Variants in KIF17 observed in about 807,000 individuals in gnomAD.
The protein encoded by KIF17 is kinesin-like protein KIF17.
Under a neutral mutation model 96.8 loss-of-function variants are expected in KIF17, and 80 were observed. The ratio of observed to expected loss-of-function variants is 0.83; its 90% confidence interval spans 0.69 to 1.00. The LOEUF (loss-of-function observed/expected upper bound fraction) is 1.00. Among genes scored for constraint, KIF17 ranks in the 50% least tolerant of loss-of-function variants. KIF17 has a pLI of 0.00. For missense variants in KIF17, 1,280 were observed against 1,372.9 expected, an observed-to-expected ratio of 0.93 and a Z score of 1.07; for synonymous variants, 567 against 587.5, an observed-to-expected ratio of 0.97 and a Z score of 0.51.
chr1:20,687,846 T>C lies in KIF17; in HGVS notation c.1480A>G (p.Thr494Ala). Residue 494 changes from threonine (T) to alanine (A), a missense_variant, in exon 8 of 15, where the codon ACA becomes GCA. Physicochemically the swap from Thr to Ala is moderately conservative, Grantham distance 58. Coordinates refer to ENST00000400463, the MANE Select transcript of KIF17 (RefSeq NM_001122819.3). This position sits in a 1 kb window ranked among gnomAD's most constrained non-coding sequence, Gnocchi z 4.4. ...AEYPPAFQYETVVKPKVFSTT... is the reference protein window; with the variant it reads ...AEYPPAFQYEAVVKPKVFSTT... ...GAGAAGACCTTGGGTTTCACCACTG[T>C]CTCATACTGAAAAGCAGGCGGGTAC... is the stretch of plus-strand genomic sequence containing the variant. The C allele has an allele frequency of 6.2e-7, 1 of 1,614,088 alleles. No homozygotes were observed. Among genetic ancestry groups the C allele is most frequent in the South Asian group, 1.1e-5 (1 of 91,084 alleles).
chr1:20,677,940 A>G (rs547392762), intron 11 of KIF17, among the ~76,000 whole-genome samples: 1 of 152,394 alleles, frequency 6.6e-6, no homozygotes, highest in African/African-American at 2.4e-5. Flanking sequence ...AAAGCTAGGT[A>G]GAAGAAAGCG....
At chr1:20,688,881 C>T (rs1262705252) in intron 7 of KIF17, among the ~76,000 whole-genome samples, 1 of 152,218 alleles carries the variant, frequency 6.6e-6, no homozygotes, top group Admixed American at 6.5e-5. Context: ...TCCAGGAGCG[C>T]GTCTCCCTTG....
intron 14 of KIF17, 26 bp downstream of exon 14, chr1:20,666,188 G>A (rs1319214497): frequency 6.6e-7 from 1 of 1,520,624 alleles, no homozygotes; most frequent in Admixed American, 1.7e-5. Flanking sequence ...GTGTGGAGAG[G>A]GTGGGGACAG....
In KIF17 at chr1:20,690,352, G is replaced by GCGCCCCA; in HGVS notation, c.1234-18_1234-17insTGGGGCG. ...TTCATACTCCTGGGGGGGTGGGAGG[G>GCGCCCCA]ACCAGAGGGCAGGCAGCATTTTATC... On this transcript the variant is annotated splice_polypyrimidine_tract_variant and intron_variant, in intron 6 of 14. Coordinates refer to ENST00000400463, the MANE Select transcript of KIF17 (RefSeq NM_001122819.3). 2.2e-6 allele frequency: 1 copy of GCGCCCCA among 451,174 alleles called. No individual in the cohort carries two copies. The highest frequency in any genetic ancestry group is 4.3e-6 in the Non-Finnish European group (1 of 235,152). The allele number at this position is 451,174 out of a possible 1,614,324, so 27.9% of individuals were successfully genotyped here.
At chr1:20,705,708 C>T (rs1056756844) in intron 4 of KIF17, among the ~76,000 whole-genome samples, 3 of 152,022 alleles carry the variant, frequency 2.0e-5, no homozygotes, top group Admixed American at 6.6e-5. Flanking sequence ...GGGGTTCGTG[C>T]GGAAGCCTCT....
At position 20,709,885 on chromosome 1, in the gene KIF17, G is replaced by C; in HGVS notation, c.481-57C>G. On this transcript the variant is annotated intron_variant, in intron 3 of 14. Transcript: ENST00000400463. This position sits in a 1 kb window ranked among gnomAD's most constrained non-coding sequence, Gnocchi z 4.7. ...CTCCAGCCGCCAAGGGTTAGGACCA[G>C]GGATGGTCAAGGAACCAGAGAGAAG... The C allele has an allele frequency of 1.3e-6, 2 of 1,517,960 alleles. No individual in the cohort carries two copies. The highest frequency in any genetic ancestry group is 1.2e-5 in the South Asian group (1 of 84,250). The allele number at this position is 1,517,960 out of a possible 1,614,324, so 94.0% of individuals were successfully genotyped here.
rs962660178 is a variant in KIF17 at position 20,664,888 on chromosome 1, T to TGGCCCTGCAGCTGGGACCCC, written c.2909-146_2909-127dup. Reference sequence around the variant, plus strand: ...CGCCCCCCTGCCCAGCCAGAGGCCCTGGCCCTGCAGCTGGGACCCCAGGCT... The same window carrying TGGCCCTGCAGCTGGGACCCC: ...CGCCCCCCTGCCCAGCCAGAGGCCCTGGCCCTGCAGCTGGGACCCCGGCCCTGCAGCTGGGACCCCAGGCT... On this transcript the variant is annotated intron_variant, in intron 14 of 14. Coordinates refer to ENST00000400463, the MANE Select transcript of KIF17 (RefSeq NM_001122819.3). The TGGCCCTGCAGCTGGGACCCC allele has an allele frequency of 3.3e-6, 3 of 897,202 alleles. No homozygotes were observed. The African/African-American group carries it at 5.0e-5, about 15-fold the overall frequency. The allele number at this position is 897,202 out of a possible 1,614,324, so 55.6% of individuals were successfully genotyped here.
intron 6 of KIF17, 119 bp downstream of exon 6, chr1:20,698,260 G>T: frequency 1.4e-6 from 1 of 736,470 alleles, no homozygotes. Context: ...GCTTTCTCAG[G>T]ACCAAACCCA....
At chr1:20,663,229 GAAAAT>G (rs1238294050), downstream of KIF17, among the ~76,000 whole-genome samples, 1 of 152,066 alleles carries the variant, frequency 6.6e-6, no homozygotes, top group Non-Finnish European at 1.5e-5. Context: ...CAGTCTCAAA[GAAAAT>G]AAAAATAATT....
Position 20,690,352 on chromosome 1 carries a change from G to GCCGCCA in KIF17, c.1234-18_1234-17insTGGCGG. 2.2e-6 allele frequency: 1 copy of GCCGCCA among 451,170 alleles called. No individual in the cohort carries two copies. Among genetic ancestry groups the GCCGCCA allele is most frequent in the Non-Finnish European group, 4.3e-6 (1 of 235,150 alleles). 27.9% of individuals were successfully genotyped at this position (451,170 alleles called of 1,614,324 possible). ...TTCATACTCCTGGGGGGGTGGGAGG[G>GCCGCCA]ACCAGAGGGCAGGCAGCATTTTATC... is the stretch of plus-strand genomic sequence containing the variant. On this transcript the variant is annotated splice_polypyrimidine_tract_variant and intron_variant, in intron 6 of 14. Transcript: ENST00000400463.
chr1:20,694,099 T>C (rs1325988735), intron 6 of KIF17: 1 of 151,896 alleles, frequency 6.6e-6, no homozygotes, highest in Non-Finnish European at 1.5e-5. Context: ...AGGACCATCC[T>C]GTCCTTTTTT....
At chr1:20,670,740 G>A (rs1433773694) in intron 12 of KIF17, among the ~76,000 whole-genome samples, 1 of 152,212 alleles carries the variant, frequency 6.6e-6, no homozygotes, top group African/African-American at 2.4e-5. Flanking sequence ...GGTGGGGACA[G>A]ACAGGAAGGC....
At chr1:20,710,903 G>A (rs1167448994) in intron 3 of KIF17, among the ~76,000 whole-genome samples, 5 of 152,260 alleles carry the variant, frequency 3.3e-5, no homozygotes, top group Middle Eastern at 3.4e-3. Context: ...GGTCACAGCC[G>A]ATGGAAGGCT....
Position 20,684,846 on chromosome 1 carries a change from G to A in KIF17, c.2194C>T (p.Pro732Ser), listed in dbSNP as rs566583367. The A allele has an allele frequency of 6.3e-7, 1 of 1,594,956 alleles. No individual in the cohort carries two copies. The highest frequency in any genetic ancestry group is 1.1e-5 in the South Asian group (1 of 88,036). Residue 732 changes from proline to serine, a missense_variant, in exon 10 of 15, where the codon CCG (proline) becomes TCG (serine). Physicochemically the swap from Pro to Ser is moderately conservative, Grantham distance 74. Coordinates refer to ENST00000400463, the MANE Select transcript of KIF17 (RefSeq NM_001122819.3). ...GMEVAVLTDDPLPVVDQQQVL... is the reference protein window; with the variant it reads ...GMEVAVLTDDSLPVVDQQQVL... ...TGCTGCTGGTCCACAACGGGCAGCG[G>A]GTCATCAGTCAGCACTGCCACCTCC...
chr1:20,684,120 T>C (rs2053886449), intron 10 of KIF17, among the ~76,000 whole-genome samples: 1 of 152,226 alleles, frequency 6.6e-6, no homozygotes, highest in Non-Finnish European at 1.5e-5. Context: ...TGGCCCGAGG[T>C]GGCAGAGCTA....
chr1:20,679,637 A>G (rs1339017675), intron 11 of KIF17, among the ~76,000 whole-genome samples: 1 of 152,188 alleles, frequency 6.6e-6, no homozygotes, highest in Non-Finnish European at 1.5e-5. Context: ...CTGTCTTTGC[A>G]GGGATCCAGG....
At position 20,717,725 on chromosome 1, in the gene KIF17, A is replaced by G; in HGVS notation, c.-19T>C. On this transcript the variant is annotated 5_prime_UTR_variant, in exon 1 of 15. Transcript: ENST00000400463. The stretch of plus-strand genomic sequence containing the variant: ...AGGCCATGGCGCCGCGCCCAGGACC[A>G]ACGGGACCAGAGCTGACCCCCGCCC... 1 of 1,551,018 alleles carries G rather than the reference A, an allele frequency of 6.4e-7. No homozygotes were observed. Among genetic ancestry groups the G allele is most frequent in the African/African-American group, 1.4e-5 (1 of 73,450 alleles).
chr1:20,687,833 G>A lies in KIF17; in HGVS notation c.1493C>T (p.Pro498Leu), dbSNP rs2053967112. ...AGTGTCAGTCGTGGAGAAGACCTTG[G>A]GTTTCACCACTGTCTCATACTGAAA... ...PAFQYETVVK[P>L]KVFSTTDTLP... is the part of the protein sequence containing the mutation. Residue 498 changes from proline to leucine, a missense_variant, in exon 8 of 15, where the codon CCC (proline) becomes CTC (leucine). Physicochemically the swap from Pro to Leu is moderately conservative, Grantham distance 98. Coordinates refer to ENST00000400463, the MANE Select transcript of KIF17 (RefSeq NM_001122819.3). The surrounding 1 kb of genome is among the most constrained non-coding windows in gnomAD (Gnocchi z 4.4). 1 of 1,613,974 alleles carries A rather than the reference G, an allele frequency of 6.2e-7. No homozygotes were observed. Among genetic ancestry groups the A allele is most frequent in the South Asian group, 1.1e-5 (1 of 91,082 alleles).
chr1:20,703,101 G>A (rs987385692), intron 5 of KIF17, among the ~76,000 whole-genome samples: 31 of 152,064 alleles, frequency 2.0e-4, no homozygotes, highest in Admixed American at 2.0e-3. Context: ...ATTAGAATGG[G>A]TGAATGGATG....
Sources: allele counts gnomAD v4.1 joint callset (sites outside exome capture counted in the v4.1 genomes callset), GRCh38; gene constraint gnomAD v4.1.1; non-coding constraint Gnocchi (gnomAD v3.1); transcripts MANE v1.5; gene names NCBI Gene and HGNC (gene_info 2026-07-23, HGNC 2026-07-21).